RYR2: variants seen among roughly 807,000 people sequenced by gnomAD.
RYR2 encodes ryanodine receptor 2.
A neutral mutation model predicts 601.1 loss-of-function variants in RYR2; 227 were observed. That is an observed-to-expected ratio of 0.38 (90% confidence interval 0.34 to 0.42). The LOEUF is 0.42. Ranked by LOEUF, RYR2 falls within the 10% of genes least tolerant of loss-of-function variation. The probability of loss-of-function intolerance (pLI) is 1.00; values close to 1 mark genes in which losing one functional copy is unlikely to be tolerated. For synonymous variants in RYR2, 2,223 were observed against 2,175.1 expected, an observed-to-expected ratio of 1.02 and a Z score of -0.61; for missense variants, 4,646 against 6,156.5, an observed-to-expected ratio of 0.75 and a Z score of 8.21.
intron 16 of RYR2, among the ~76,000 whole-genome samples, chr1:237,464,993 T>C (rs1013305596): frequency 3.3e-5 from 5 of 152,140 alleles, no homozygotes; most frequent in Non-Finnish European, 7.3e-5. Flanking sequence ...ATAACTGATA[T>C]CTTCTTAACT....
intron 27 of RYR2, among the ~76,000 whole-genome samples, chr1:237,560,706 T>C (rs1337035730): frequency 1.3e-5 from 2 of 152,252 alleles, no homozygotes; most frequent in Non-Finnish European, 2.9e-5. Context: ...ATTTGCATAG[T>C]TTTTTGCCAG....
At chr1:237,671,800 G>T (rs1246998528) in intron 58 of RYR2, among the ~76,000 whole-genome samples, 2 of 152,002 alleles carry the variant, frequency 1.3e-5, no homozygotes, top group East Asian at 3.9e-4. Flanking sequence ...AGAAATAAAG[G>T]AGTGTAAGTC....
intron 24 of RYR2, among the ~76,000 whole-genome samples, chr1:237,526,481 G>A (rs1667607454): frequency 1.3e-5 from 2 of 151,816 alleles, no homozygotes. Flanking sequence ...AGAGTAGCTG[G>A]GGCCACAGAT....
intron 42 of RYR2, among the ~76,000 whole-genome samples, chr1:237,632,386 ATTCTTTTTTTTTTTT>A (rs1047522222): frequency 1.8e-5 from 2 of 111,678 alleles, no homozygotes; most frequent in African/African-American, 3.8e-5. Context: ...TCTAAAGTGA[ATTCTTTTTTTTTTTT>A]TTTTTTTTTT....
At chr1:237,374,054 A>G (rs1438947588) in intron 6 of RYR2, among the ~76,000 whole-genome samples, 1 of 152,198 alleles carries the variant, frequency 6.6e-6, no homozygotes, top group African/African-American at 2.4e-5. Context: ...AGGGAAGAAA[A>G]GACTACAATT....
In RYR2 at chr1:237,491,706, ATGT is replaced by A; in HGVS notation, c.1709-96_1709-94del. 6.1e-6 allele frequency: 4 copies of A among 652,158 alleles called. No individual in the cohort carries two copies. In the South Asian group the frequency reaches 7.1e-5, roughly 12 times the overall value. 40.4% of individuals were successfully genotyped at this position (652,158 alleles called of 1,614,324 possible). A position where few individuals can be genotyped will look rare whatever the true frequency, so the allele number is the denominator to read the frequency against. On this transcript the variant is annotated intron_variant, in intron 17 of 104. Transcript: ENST00000366574. ...AGTCACATTGAGCACAGATAATTAC[ATGT>A]TGTACTGAATGCACCTATGTAGAAA...
intron 43 of RYR2, among the ~76,000 whole-genome samples, chr1:237,633,961 A>G (rs1235984421): frequency 1.3e-5 from 2 of 152,136 alleles, no homozygotes; most frequent in Non-Finnish European, 2.9e-5. Flanking sequence ...ACAAAACATA[A>G]TAAGTGTTGG....
intron 7 of RYR2, among the ~76,000 whole-genome samples, chr1:237,376,644 G>T (rs1397813592): frequency 6.6e-6 from 1 of 152,170 alleles, no homozygotes; most frequent in Non-Finnish European, 1.5e-5. Flanking sequence ...AAGAAAGAGT[G>T]AAGAAGAGAC....
chr1:237,596,140 G>A (rs984180979), intron 34 of RYR2, among the ~76,000 whole-genome samples: 24 of 152,188 alleles, frequency 1.6e-4, no homozygotes, highest in East Asian at 7.7e-4. Context: ...AGAAACACGC[G>A]AATGGAAGGA....
chr1:237,805,124 A>G (rs750981835), intron 98 of RYR2, among the ~76,000 whole-genome samples: 10 of 152,338 alleles, frequency 6.6e-5, no homozygotes, highest in Admixed American at 1.3e-4. Flanking sequence ...GCTGCGGAGT[A>G]GGAAGTCAAT....
intron 4 of RYR2, among the ~76,000 whole-genome samples, chr1:237,357,151 T>G (rs1699371604): frequency 6.6e-6 from 1 of 152,202 alleles, no homozygotes; most frequent in Admixed American, 6.5e-5. Flanking sequence ...TATGTTATAT[T>G]GCTGAGAATA....
At chr1:237,051,267 T>C (rs1399390349) in intron 1 of RYR2, among the ~76,000 whole-genome samples, 7 of 94,138 alleles carry the variant, frequency 7.4e-5, no homozygotes, top group South Asian at 4.8e-4. Context: ...TCCCGTTCCC[T>C]ACCCTCTCCT....
chr1:237,330,924 C>T lies in RYR2; in HGVS notation c.215C>T (p.Ser72Phe). 6.2e-7 allele frequency: 1 copy of T among 1,613,978 alleles called. No homozygotes were observed. The highest frequency in any genetic ancestry group is 8.5e-7 in the Non-Finnish European group (1 of 1,179,880). The change falls in exon 3 of 105, where the codon TCC becomes TTC. Residue 72 changes from serine to phenylalanine, a missense_variant. Ser to Phe is a radical substitution (Grantham distance 155). Around this residue, in one of 17 missense-constraint regions of RYR2, gnomAD observed 153 missense variants for 203.6 expected, o/e 0.75. Transcript: ENST00000366574. ...ATCTGCACCTTTGTGCTGGAGCAGT[C>T]CCTCTCTGTCCGGGCGCTGCAGGAG... Reference protein sequence around the residue: ...LSICTFVLEQSLSVRALQEML... With the variant: ...LSICTFVLEQFLSVRALQEML...
intron 17 of RYR2, among the ~76,000 whole-genome samples, chr1:237,472,486 C>A (rs1057156527): frequency 1.3e-5 from 2 of 151,878 alleles, no homozygotes; most frequent in Non-Finnish European, 2.9e-5. Context: ...CAGAACAATG[C>A]CTAGGATTGC....
intron 50 of RYR2, 90 bp downstream of exon 50, chr1:237,650,187 A>G: frequency 3.3e-6 from 4 of 1,220,870 alleles, no homozygotes; most frequent in Non-Finnish European, 4.7e-6. Flanking sequence ...AATTTTGGAA[A>G]CATTTTCCAT....
intron 79 of RYR2, among the ~76,000 whole-genome samples, chr1:237,737,802 T>C (rs1007747026): frequency 2.0e-5 from 3 of 152,206 alleles, no homozygotes; most frequent in African/African-American, 7.2e-5. Flanking sequence ...AACATACTTT[T>C]ATAAAACTCA....
intron 12 of RYR2, among the ~76,000 whole-genome samples, chr1:237,430,468 A>G (rs1232395930): frequency 6.6e-6 from 1 of 152,112 alleles, no homozygotes; most frequent in African/African-American, 2.4e-5. Flanking sequence ...TTGTGTTTGT[A>G]TATGATTTTA....
chr1:237,570,364 G>A (rs773020192), intron 29 of RYR2, among the ~76,000 whole-genome samples: 2 of 144,722 alleles, frequency 1.4e-5, no homozygotes, highest in African/African-American at 2.5e-5. Context: ...TTGAGTCAGA[G>A]TTTTGCTCTT....
At chr1:237,357,255 G>C (rs1280788688) in intron 4 of RYR2, among the ~76,000 whole-genome samples, 1 of 152,040 alleles carries the variant, frequency 6.6e-6, no homozygotes, top group Admixed American at 6.6e-5. Flanking sequence ...TTTGGCTATA[G>C]TTAAAATGCT....
Sources: allele counts gnomAD v4.1 joint callset (sites outside exome capture counted in the v4.1 genomes callset), GRCh38; gene constraint gnomAD v4.1.1; regional missense constraint gnomAD v4.1.1; transcripts MANE v1.5; gene names NCBI Gene and HGNC (gene_info 2026-07-23, HGNC 2026-07-21).